NKAIN2: variants seen among roughly 807,000 people sequenced by gnomAD.
NKAIN2 encodes the protein sodium/potassium transporting ATPase interacting 2.
Under a neutral mutation model 32.6 loss-of-function variants are expected in NKAIN2, and 14 were observed. The observed-to-expected ratio is 0.43, with a 90% confidence interval of 0.28 to 0.67. The LOEUF is 0.67. NKAIN2 is among the 30% of genes least tolerant of loss of function. The pLI, the probability that NKAIN2 is intolerant of heterozygous loss-of-function variation, is 0.17. For synonymous variants in NKAIN2, 80 were observed against 87.2 expected (o/e 0.92, Z 0.46); for missense variants, 198 against 258.3 (o/e 0.77, Z 1.60).
chr6:124,293,360 A>G (rs1245915991), intron 2 of NKAIN2, among the ~76,000 whole-genome samples: 3 of 151,796 alleles, frequency 2.0e-5, no homozygotes, highest in Non-Finnish European at 4.4e-5. Flanking sequence ...ATTTTTAATT[A>G]CTTTTTTGCA....
At chr6:124,812,191 T>C (rs897499852) in intron 5 of NKAIN2, among the ~76,000 whole-genome samples, 1 of 152,136 alleles carries the variant, frequency 6.6e-6, no homozygotes, top group Non-Finnish European at 1.5e-5. Context: ...ATCCAAAAAG[T>C]TTCTTTTGTG....
intron 1 of NKAIN2, among the ~76,000 whole-genome samples, chr6:124,062,393 G>A (rs1241840942): frequency 1.3e-5 from 2 of 152,080 alleles, no homozygotes; most frequent in African/African-American, 4.8e-5. Context: ...CTAGAATAGA[G>A]TTCCAGGAAT....
intron 3 of NKAIN2, among the ~76,000 whole-genome samples, chr6:124,396,595 T>G (rs996457251): frequency 5.9e-5 from 9 of 152,140 alleles, no homozygotes; most frequent in Non-Finnish European, 1.5e-5. Flanking sequence ...TCATTCTGCC[T>G]TACTTAAAGG....
chr6:124,006,013 A>G (rs372246903), intron 1 of NKAIN2, among the ~76,000 whole-genome samples: 5 of 152,278 alleles, frequency 3.3e-5, no homozygotes, highest in African/African-American at 1.2e-4. Context: ...TCCTTACAGC[A>G]CAAAAAAGTT....
intron 3 of NKAIN2, among the ~76,000 whole-genome samples, chr6:124,493,197 C>A (rs1052921565): frequency 6.6e-6 from 1 of 151,780 alleles, no homozygotes; most frequent in Non-Finnish European, 1.5e-5. Flanking sequence ...TACATTGGGG[C>A]TTTATTAAGG....
At chr6:124,745,684 A>G (rs970790829) in intron 4 of NKAIN2, among the ~76,000 whole-genome samples, 1 of 151,916 alleles carries the variant, frequency 6.6e-6, no homozygotes, top group Non-Finnish European at 1.5e-5. Flanking sequence ...AAATGTTCAC[A>G]TATCCAAAAA....
At chr6:124,175,264 A>G (rs1789098632) in intron 1 of NKAIN2, among the ~76,000 whole-genome samples, 1 of 152,156 alleles carries the variant, frequency 6.6e-6, no homozygotes, top group African/African-American at 2.4e-5. Context: ...CTACACTCAC[A>G]CAGACTGCAT....
chr6:124,048,905 C>A (rs2114827799), intron 1 of NKAIN2, among the ~76,000 whole-genome samples: 1 of 152,080 alleles, frequency 6.6e-6, no homozygotes, highest in East Asian at 1.9e-4. Context: ...AAGGCTGGAA[C>A]ATTTAATAAA....
At chr6:124,183,798 G>T (rs1789571924) in intron 1 of NKAIN2, among the ~76,000 whole-genome samples, 1 of 152,036 alleles carries the variant, frequency 6.6e-6, no homozygotes, top group African/African-American at 2.4e-5. Context: ...CTGATTTCAT[G>T]AATCTCATTA....
At chr6:124,535,837 G>C (rs990869758) in intron 3 of NKAIN2, among the ~76,000 whole-genome samples, 16 of 152,298 alleles carry the variant, frequency 1.1e-4, no homozygotes, top group Non-Finnish European at 5.9e-5. Flanking sequence ...GAGGGAGCAG[G>C]AGCAGTTCAG....
At chr6:124,104,584 A>G (rs1785033519) in intron 1 of NKAIN2, among the ~76,000 whole-genome samples, 1 of 152,198 alleles carries the variant, frequency 6.6e-6, no homozygotes, top group African/African-American at 2.4e-5. Context: ...CAATATACAC[A>G]CACACATATT....
At chr6:123,941,545 A>G (rs1776825844) in intron 1 of NKAIN2, among the ~76,000 whole-genome samples, 1 of 151,866 alleles carries the variant, frequency 6.6e-6, no homozygotes, top group Non-Finnish European at 1.5e-5. Flanking sequence ...CGAGATCACC[A>G]TCATATATAT....
At chr6:123,895,198 G>C (rs866728801) in intron 1 of NKAIN2, among the ~76,000 whole-genome samples, 41 of 149,856 alleles carry the variant, frequency 2.7e-4, no homozygotes, top group Middle Eastern at 6.8e-3. Flanking sequence ...CTCTCACACA[G>C]ACACACACAC....
At chr6:123,936,366 A>G (rs1176308369) in intron 1 of NKAIN2, among the ~76,000 whole-genome samples, 1 of 152,162 alleles carries the variant, frequency 6.6e-6, no homozygotes, top group Middle Eastern at 3.4e-3. Flanking sequence ...AACATTAATT[A>G]CTCCTATTAT....
chr6:124,761,983 C>T (rs796075037), intron 4 of NKAIN2, among the ~76,000 whole-genome samples: 1 of 152,158 alleles, frequency 6.6e-6, no homozygotes, highest in Non-Finnish European at 1.5e-5. Context: ...GTTTCTCTCA[C>T]TCCCTGGTTC....
chr6:124,591,790 A>G (rs1781923039), intron 3 of NKAIN2, among the ~76,000 whole-genome samples: 1 of 152,192 alleles, frequency 6.6e-6, no homozygotes, highest in Admixed American at 6.5e-5. Context: ...TTTGAGATTT[A>G]AAAAAAGGAA....
At chr6:124,587,961 G>A (rs1583481019) in intron 3 of NKAIN2, among the ~76,000 whole-genome samples, 1 of 152,126 alleles carries the variant, frequency 6.6e-6, no homozygotes, top group South Asian at 2.1e-4. Flanking sequence ...TTTCCAGCAA[G>A]TGCCCAATCC....
Position 123,969,606 on chromosome 6 carries a change from T to C in NKAIN2, c.54+165352T>C, listed in dbSNP as rs114339213. On this transcript the variant is annotated intron_variant, in intron 1 of 6. Coordinates refer to ENST00000368417, the MANE Select transcript of NKAIN2 (RefSeq NM_001040214.3). Reference sequence around the variant, plus strand: ...CTGCCAGAGCTTCAAATAGCATGCCTATTTTCAAAAGGAATGGAGAAGAGA... The same window carrying C: ...CTGCCAGAGCTTCAAATAGCATGCCCATTTTCAAAAGGAATGGAGAAGAGA... Among the ~76,000 whole-genome samples the C allele has an allele frequency of 4.3e-3, 659 of 152,276 alleles. 5 individuals carry two copies. The highest frequency in any genetic ancestry group is 0.015 in the African/African-American group (616 of 41,538).
chr6:124,326,567 C>T (rs1200332561), intron 2 of NKAIN2, among the ~76,000 whole-genome samples: 2 of 152,102 alleles, frequency 1.3e-5, no homozygotes, highest in African/African-American at 4.8e-5. Flanking sequence ...AGGACTTTGC[C>T]AGATCTGCTC....
Sources: allele counts gnomAD v4.1 joint callset (sites outside exome capture counted in the v4.1 genomes callset), GRCh38; gene constraint gnomAD v4.1.1; transcripts MANE v1.5; gene names NCBI Gene and HGNC (gene_info 2026-07-23, HGNC 2026-07-21).